The following AZIN2 variants were observed in gnomAD, a reference collection of about 807,000 sequenced individuals.
AZIN2 encodes the protein antizyme inhibitor 2, also known as ODC antizyme inhibitor-2.
Under a neutral mutation model 47.8 loss-of-function variants are expected in AZIN2, and 28 were observed. The observed-to-expected ratio is 0.59, with a 90% CI of 0.43 to 0.80. AZIN2 has a LOEUF of 0.80. Ranked by LOEUF, AZIN2 falls within the 30% of genes least tolerant of loss-of-function variation. The pLI is 0.00. For synonymous variants in AZIN2, 221 were observed against 239.4 expected, an observed-to-expected ratio of 0.92 and a Z score of 0.71; for missense variants, 535 against 582.5, an observed-to-expected ratio of 0.92 and a Z score of 0.84.
At chr1:33,112,770 T>C (rs1349755921) in intron 10 of AZIN2, among the ~76,000 whole-genome samples, 5 of 152,238 alleles carry the variant, frequency 3.3e-5, no homozygotes, top group Admixed American at 2.6e-4. Context: ...TGTCATTTGC[T>C]TTATTATTAT....
At position 33,092,198 on chromosome 1, in the gene AZIN2, T is replaced by C. The variant is rs1169530283; in HGVS notation, c.428T>C (p.Val143Ala). Residue 143 changes from valine to alanine, a missense_variant, in exon 6 of 12, where the codon GTG (valine) becomes GCG (alanine). Coordinates refer to ENST00000294517, the MANE Select transcript of AZIN2 (RefSeq NM_052998.4). ...SFDNEMELAKVVKSHPSAKMV... is the reference protein window; with the variant it reads ...SFDNEMELAKAVKSHPSAKMV... ...GACAATGAGATGGAGCTGGCAAAGG[T>C]GGTAAAGAGCCACCCCAGTGCCAAG... The C allele has an allele frequency of 1.2e-6, 2 of 1,613,380 alleles. No homozygotes were observed. Among genetic ancestry groups the C allele is most frequent in the East Asian group, 2.2e-5 (1 of 44,850 alleles).
intron 10 of AZIN2, among the ~76,000 whole-genome samples, chr1:33,104,179 G>A (rs1370285737): frequency 3.3e-5 from 5 of 152,066 alleles, no homozygotes; most frequent in Non-Finnish European, 4.4e-5. Flanking sequence ...CACTGTACCC[G>A]GCCATTGTTT....
intron 10 of AZIN2, among the ~76,000 whole-genome samples, chr1:33,108,429 G>C (rs1171357292): frequency 6.7e-6 from 1 of 149,274 alleles, no homozygotes; most frequent in South Asian, 2.1e-4. Flanking sequence ...TGCAGTCTCT[G>C]CCTCCTGGGT....
the AZIN2 span, among the ~76,000 whole-genome samples, chr1:33,154,822 G>T: frequency 6.7e-6 from 1 of 148,856 alleles, no homozygotes; most frequent in Non-Finnish European, 1.5e-5. Context: ...GGCCAGGCGC[G>T]GTGATTCACG....
intron 5 of AZIN2, among the ~76,000 whole-genome samples, chr1:33,090,075 A>C (rs1642363358): frequency 6.6e-6 from 1 of 152,196 alleles, no homozygotes; most frequent in Admixed American, 6.5e-5. Flanking sequence ...AGGGGTTGGC[A>C]AACTACGGAT....
At chr1:33,092,931 G>A (rs932055574) in intron 6 of AZIN2, among the ~76,000 whole-genome samples, 4 of 152,188 alleles carry the variant, frequency 2.6e-5, no homozygotes, top group East Asian at 1.9e-4. Context: ...AGCTTCCATC[G>A]TATTAATGGG....
At chr1:33,161,787 C>T in the AZIN2 span, among the ~76,000 whole-genome samples, 1 of 152,136 alleles carries the variant, frequency 6.6e-6, no homozygotes, top group African/African-American at 2.4e-5. This position sits in a 1 kb window ranked among gnomAD's most constrained non-coding sequence, Gnocchi z 4.3. Flanking sequence ...CCTCCTAGAC[C>T]ACTCTGCAGC....
intron 11 of AZIN2, chr1:33,118,852 C>T (rs1427509809): frequency 6.6e-6 from 1 of 152,286 alleles, no homozygotes; most frequent in Middle Eastern, 3.2e-3. Context: ...GGGGGAGTCA[C>T]ATCCAGTGAA....
At chr1:33,096,666 A>G (rs1643187936) in intron 8 of AZIN2, 41 bp from the exon 9 acceptor site, 2 of 1,608,924 alleles carry the variant, frequency 1.2e-6, no homozygotes, top group South Asian at 2.2e-5. Flanking sequence ...TAAAGCCCAC[A>G]TTTCAAACAC....
chr1:33,083,952 A>G lies in AZIN2; in HGVS notation c.106-2A>G, dbSNP rs758548455. ...CACATTCATCCACTTCTTGTCATTC[A>G]GGACGAGGTAGCTGCCTTCTTCGTG... On this transcript the variant is annotated splice_acceptor_variant, in intron 4 of 11. Transcript: ENST00000294517. LOFTEE classifies it high-confidence loss of function. The G allele has an allele frequency of 4.3e-6, 7 of 1,614,064 alleles. No homozygotes were observed. The highest frequency in any genetic ancestry group is 5.9e-6 in the Non-Finnish European group (7 of 1,180,026).
chr1:33,159,816 G>A, the AZIN2 span: 257 of 1,613,862 alleles, frequency 1.6e-4, no homozygotes, highest in African/African-American at 2.5e-3. The surrounding 1 kb of genome is among the most constrained non-coding windows in gnomAD (Gnocchi z 4.2). Flanking sequence ...CTTTCTGCTC[G>A]ATGTCGGTCA....
At chr1:33,116,785 G>A (rs564991689) in intron 10 of AZIN2, among the ~76,000 whole-genome samples, 37 of 152,224 alleles carry the variant, frequency 2.4e-4, no homozygotes, top group Non-Finnish European at 8.8e-5. Context: ...ATCTAAAGGA[G>A]AAATAGGAAT....
the AZIN2 span, among the ~76,000 whole-genome samples, chr1:33,155,495 C>A: frequency 6.6e-6 from 1 of 152,068 alleles, no homozygotes; most frequent in Non-Finnish European, 1.5e-5. Flanking sequence ...TCTCCCTGAG[C>A]CTTGGTCTCC....
chr1:33,131,910 T>G, the AZIN2 span, among the ~76,000 whole-genome samples: 1,682 of 152,192 alleles, frequency 0.011, 23 homozygotes, highest in African/African-American at 0.038. Flanking sequence ...AACAGAAACC[T>G]TGAGGGGAAA....
chr1:33,130,424 T>A, the AZIN2 span, among the ~76,000 whole-genome samples: 1 of 152,246 alleles, frequency 6.6e-6, no homozygotes, highest in Non-Finnish European at 1.5e-5. Flanking sequence ...TCACTTGCTC[T>A]TAGGGAACAC....
intron 5 of AZIN2, among the ~76,000 whole-genome samples, chr1:33,087,445 A>AT (rs1471943347): frequency 7.2e-4 from 96 of 133,904 alleles, no homozygotes; most frequent in African/African-American, 2.1e-3. Flanking sequence ...ATATATATAT[A>AT]TTTTTTTTTG....
At chr1:33,157,116 C>T in the AZIN2 span, among the ~76,000 whole-genome samples, 3 of 152,094 alleles carry the variant, frequency 2.0e-5, no homozygotes, top group Non-Finnish European at 4.4e-5. Context: ...GCTCCAAGCC[C>T]TCCACTGGCT....
the AZIN2 span, among the ~76,000 whole-genome samples, chr1:33,155,108 G>T: frequency 1.6e-4 from 23 of 143,930 alleles, no homozygotes; most frequent in Non-Finnish European, 2.6e-4. Flanking sequence ...GTCTCGCTCT[G>T]TCGCCCAGGC....
the AZIN2 span, chr1:33,145,808 C>T: frequency 2.1e-6 from 1 of 467,798 alleles, no homozygotes; most frequent in Admixed American, 2.4e-5. Flanking sequence ...CGATTGGATG[C>T]TGTGGCAGAA....
Sources: allele counts gnomAD v4.1 joint callset (sites outside exome capture counted in the v4.1 genomes callset), GRCh38; gene constraint gnomAD v4.1.1; non-coding constraint Gnocchi (gnomAD v3.1); transcripts MANE v1.5; gene names NCBI Gene and HGNC (gene_info 2026-07-23, HGNC 2026-07-21).